NOS3: variants seen among roughly 807,000 people sequenced by gnomAD.
The protein encoded by NOS3 is NOS type III.
In NOS3, 98 loss-of-function variants were observed where a neutral mutation model predicts 144.9. That is an observed-to-expected ratio of 0.68 (90% CI 0.57 to 0.80). The LOEUF is 0.80. NOS3 is among the 30% of genes least tolerant of loss of function. The pLI, the probability that NOS3 is intolerant of heterozygous loss-of-function variation, is 0.00. For synonymous variants in NOS3, 714 were observed against 702.4 expected (o/e 1.02, Z -0.26); for missense variants, 1,465 against 1,656.4 (o/e 0.88, Z 2.01).
intron 15 of NOS3, 58 bp downstream of exon 15, chr7:151,006,552 C>G: frequency 7.2e-7 from 1 of 1,394,486 alleles, no homozygotes; most frequent in Non-Finnish European, 1.0e-6. Flanking sequence ...GAGACACAAA[C>G]AGAAAGGGGG....
rs761409210 is a variant in NOS3 at position 151,003,938 on chromosome 7, C to T, written c.1752+1634C>T. ...AACCTGTTATGAACATTCTTGTACC[C>T]GGCTTTTGTGGGCTTATGTTTTTAT... On this transcript the variant is annotated intron_variant, in intron 14 of 26. Coordinates refer to ENST00000297494, the MANE Select transcript of NOS3 (RefSeq NM_000603.5). This position sits in a 1 kb window ranked among gnomAD's most constrained non-coding sequence, Gnocchi z 4.1. 7 of 328,116 alleles carry T rather than the reference C, an allele frequency of 2.1e-5. No individual in the cohort carries two copies. Among genetic ancestry groups the T allele is most frequent in the Non-Finnish European group, 3.6e-5 (6 of 167,606 alleles). The allele number at this position is 328,116 out of a possible 1,614,324, so 20.3% of individuals were successfully genotyped here.
chr7:150,992,791 C>A (rs1802281167), intron 1 of NOS3, among the ~76,000 whole-genome samples: 1 of 152,232 alleles, frequency 6.6e-6, no homozygotes, highest in Admixed American at 6.5e-5. Flanking sequence ...GTCTCGAAAT[C>A]ACGAGGCTTC....
chr7:151,005,867 A>G (rs1445940256), intron 14 of NOS3, among the ~76,000 whole-genome samples: 2 of 152,230 alleles, frequency 1.3e-5, no homozygotes, highest in Non-Finnish European at 2.9e-5. Flanking sequence ...ATCTCTTCAG[A>G]AAATTTAAAA....
At position 151,000,613 on chromosome 7, in the gene NOS3, G is replaced by T. The variant is rs13305984; in HGVS notation, c.1233+14G>T. The T allele has an allele frequency of 5.1e-6, 8 of 1,577,524 alleles. No individual in the cohort carries two copies. The East Asian group carries it at 1.8e-4, about 35-fold the overall frequency. ...CACAGTTACCAGGTGCAGAGGCCCA[G>T]ACTGGCCAGGAAGGCAAAGGGTTTG... On this transcript the variant is annotated intron_variant, in intron 10 of 26. Transcript: ENST00000297494.
In NOS3 at chr7:151,012,225, GT is replaced by G. The variant is rs1213890215; in HGVS notation, c.2985-116del. 365 of 517,410 alleles carry G rather than the reference GT, an allele frequency of 7.1e-4. 1 individual carries two copies. Among genetic ancestry groups the G allele is most frequent in the South Asian group, 1.3e-3 (49 of 36,968 alleles). The allele number at this position is 517,410 out of a possible 1,614,324, so 32.1% of individuals were successfully genotyped here. A position where few individuals can be genotyped will look rare whatever the true frequency, so the allele number is the denominator to read the frequency against. On this transcript the variant is annotated intron_variant, in intron 23 of 26. Coordinates refer to ENST00000297494, the MANE Select transcript of NOS3 (RefSeq NM_000603.5). The stretch of plus-strand genomic sequence containing the variant: ...CAAGTAGAGTTGTTTTTTGTTTTTT[GT>G]TTTTTTTTTAATTTTTTTTTGAGAT...
rs1795119246 is a variant in NOS3 at position 151,002,137 on chromosome 7, G to A, written c.1648-63G>A. 1.4e-6 allele frequency: 2 copies of A among 1,411,920 alleles called. No individual in the cohort carries two copies. The highest frequency in any genetic ancestry group is 1.2e-5 in the South Asian group (1 of 82,436). 87.5% of individuals were successfully genotyped at this position (1,411,920 alleles called of 1,614,324 possible). ...GAATCTTGCACTGCCAGGGAGGCCA[G>A]AGTGAGGAGGGCAGGGCCTCCGGGG... On this transcript the variant is annotated intron_variant, in intron 13 of 26. Coordinates refer to ENST00000297494, the MANE Select transcript of NOS3 (RefSeq NM_000603.5). The surrounding 1 kb of genome is among the most constrained non-coding windows in gnomAD (Gnocchi z 4.1).
At chr7:151,000,244 G>T (rs940026087) in intron 9 of NOS3, among the ~76,000 whole-genome samples, 7 of 151,884 alleles carry the variant, frequency 4.6e-5, no homozygotes, top group Non-Finnish European at 1.0e-4. Context: ...CCTTGACTCG[G>T]CAAAGGTTAA....
chr7:150,994,601 G>A (rs577613145), intron 2 of NOS3, among the ~76,000 whole-genome samples: 2 of 152,286 alleles, frequency 1.3e-5, no homozygotes, highest in South Asian at 2.1e-4. Flanking sequence ...GGAAAGACCC[G>A]GAGGCCTGGT....
intron 14 of NOS3, among the ~76,000 whole-genome samples, chr7:151,005,061 T>C (rs771767815): frequency 5.9e-5 from 9 of 152,114 alleles, no homozygotes; most frequent in Non-Finnish European, 1.2e-4. Context: ...TTTCACCATG[T>C]TGGCCAGGCT....
intron 14 of NOS3, among the ~76,000 whole-genome samples, chr7:151,004,236 C>G (rs1330011873): frequency 6.6e-6 from 1 of 152,134 alleles, no homozygotes; most frequent in Non-Finnish European, 1.5e-5. Flanking sequence ...ACTCAGGAGG[C>G]TAGGCGGGAG....
Position 151,003,395 on chromosome 7 carries a change from C to G in NOS3, c.1752+1091C>G, listed in dbSNP as rs143125350. The G allele has an allele frequency of 3.9e-3, 4,777 of 1,221,454 alleles. 162 individuals carry two copies. The African/African-American group carries it at 0.067, about 17-fold the overall frequency. 75.7% of individuals were successfully genotyped at this position (1,221,454 alleles called of 1,614,324 possible). A position where few individuals can be genotyped will look rare whatever the true frequency, so the allele number is the denominator to read the frequency against. ...CCTGCCTCGGCCTCCCAAAGTGCTG[C>G]GATTATAGACGTGAGCCACTGCACC... On this transcript the variant is annotated intron_variant, in intron 14 of 26. Coordinates refer to ENST00000297494, the MANE Select transcript of NOS3 (RefSeq NM_000603.5). This position sits in a 1 kb window ranked among gnomAD's most constrained non-coding sequence, Gnocchi z 4.1.
intron 1 of NOS3, among the ~76,000 whole-genome samples, chr7:150,992,905 G>A (rs1802285292): frequency 6.6e-6 from 1 of 152,182 alleles, no homozygotes; most frequent in African/African-American, 2.4e-5. Context: ...TGCCTGGAGA[G>A]TGCTGGTGTA....
intron 10 of NOS3, 152 bp downstream of exon 10, chr7:151,000,751 G>A: frequency 1.6e-6 from 1 of 640,160 alleles, no homozygotes; most frequent in Non-Finnish European, 2.8e-6. Flanking sequence ...GCGCACACTG[G>A]CCTGCGGTTC....
At chr7:151,007,719 G>A (rs1035663188) in intron 17 of NOS3, among the ~76,000 whole-genome samples, 1 of 152,268 alleles carries the variant, frequency 6.6e-6, no homozygotes, top group Non-Finnish European at 1.5e-5. Flanking sequence ...CAGACAGCCT[G>A]GGGCGGTGCC....
chr7:151,009,153 G>A, intron 18 of NOS3, 36 bp from the exon 19 acceptor site: 1 of 1,613,456 alleles, frequency 6.2e-7, no homozygotes, highest in Non-Finnish European at 8.5e-7. Context: ...CTGCTCCCTA[G>A]CTCAGGCTGC....
At position 151,013,742 on chromosome 7, in the gene NOS3, C is replaced by G; in HGVS notation, c.3274C>G (p.Leu1092Val). 6.2e-7 allele frequency: 1 copy of G among 1,609,426 alleles called. No homozygotes were observed. Among genetic ancestry groups the G allele is most frequent in the East Asian group, 2.2e-5 (1 of 44,650 alleles). The stretch of plus-strand genomic sequence containing the variant: ...CCCGCAGACCTACGTGCAGGACATC[C>G]TGAGGACGGAGCTGGCTGCGGAGGT... ...DNPKTYVQDI[L>V]RTELAAEVHR... The change falls in exon 26 of 27, where the codon CTG becomes GTG. Residue 1092 changes from leucine (L) to valine (V), a missense_variant. Coordinates refer to ENST00000297494, the MANE Select transcript of NOS3 (RefSeq NM_000603.5).
chr7:151,005,805 A>T (rs1386743397), intron 14 of NOS3, among the ~76,000 whole-genome samples: 1 of 152,234 alleles, frequency 6.6e-6, no homozygotes, highest in Non-Finnish European at 1.5e-5. Context: ...AGGCCGGAGG[A>T]TCGCTTGAGC....
At chr7:150,992,522 C>T (rs987994658) in intron 1 of NOS3, among the ~76,000 whole-genome samples, 1 of 152,148 alleles carries the variant, frequency 6.6e-6, no homozygotes, top group African/African-American at 2.4e-5. Context: ...GCTTATGAGG[C>T]CCCTTCACCC....
rs1226678887 is a variant in NOS3 at position 151,007,087 on chromosome 7, AC to A, written c.1938-11del. On this transcript the variant is annotated splice_polypyrimidine_tract_variant and intron_variant, in intron 16 of 26. Coordinates refer to ENST00000297494, the MANE Select transcript of NOS3 (RefSeq NM_000603.5). ...GCCTGCAAAGGGAGCTCCACTGACG[AC>A]CCCTGCACCCCAGGTTCTGTGTGTT... The A allele has an allele frequency of 6.2e-7, 1 of 1,613,686 alleles. No individual in the cohort carries two copies. The highest frequency in any genetic ancestry group is 1.7e-5 in the Admixed American group (1 of 60,008).
Sources: allele counts gnomAD v4.1 joint callset (sites outside exome capture counted in the v4.1 genomes callset), GRCh38; gene constraint gnomAD v4.1.1; non-coding constraint Gnocchi (gnomAD v3.1); transcripts MANE v1.5; gene names NCBI Gene and HGNC (gene_info 2026-07-23, HGNC 2026-07-21).